Variants in VWA8 observed in about 807,000 individuals in gnomAD.
VWA8 encodes von Willebrand factor A domain containing 8.
Under a neutral mutation model 241.5 loss-of-function variants are expected in VWA8, and 221 were observed. That is an observed-to-expected ratio of 0.91 (90% CI 0.82 to 1.02). VWA8 has a LOEUF of 1.02. Ranked by LOEUF, VWA8 falls within the 50% of genes least tolerant of loss-of-function variation. VWA8 has a pLI of 0.00. For missense variants in VWA8, 2,322 were observed against 2,328.7 expected, an observed-to-expected ratio of 1.00 and a Z score of 0.06; for synonymous variants, 852 against 827.1, an observed-to-expected ratio of 1.03 and a Z score of -0.52.
At chr13:41,700,250 CTGTG>C (rs1374015998) in intron 28 of VWA8, among the ~76,000 whole-genome samples, 5 of 151,928 alleles carry the variant, frequency 3.3e-5, no homozygotes, top group Admixed American at 3.3e-4. Context: ...CTATGTGTGT[CTGTG>C]TGTGTATGCA....
chr13:41,838,794 G>T (rs887328481), intron 12 of VWA8, among the ~76,000 whole-genome samples: 2 of 152,146 alleles, frequency 1.3e-5, no homozygotes, highest in African/African-American at 4.8e-5. Flanking sequence ...ATGGTTTCCA[G>T]CTTCATCCAT....
At chr13:41,575,973 C>A in intron 42 of VWA8, 135 bp from the exon 43 acceptor site, 1 of 599,796 alleles carries the variant, frequency 1.7e-6, no homozygotes, top group Non-Finnish European at 2.9e-6. Flanking sequence ...TGCAGTGAGA[C>A]AGAAGTGTGT....
At chr13:41,781,051 A>T (rs1166223261) in intron 19 of VWA8, among the ~76,000 whole-genome samples, 1 of 152,166 alleles carries the variant, frequency 6.6e-6, no homozygotes, top group Non-Finnish European at 1.5e-5. Flanking sequence ...CTACCGCAAT[A>T]ACCACCTAAC....
At chr13:41,746,193 T>G (rs2045605344) in intron 21 of VWA8, among the ~76,000 whole-genome samples, 1 of 152,240 alleles carries the variant, frequency 6.6e-6, no homozygotes, top group Non-Finnish European at 1.5e-5. Flanking sequence ...TTTTTGGATT[T>G]TTAACGTTTT....
At chr13:41,675,124 C>A in intron 36 of VWA8, 91 bp downstream of exon 36, 3 of 834,766 alleles carry the variant, frequency 3.6e-6, no homozygotes, top group South Asian at 4.1e-5. Context: ...TTTAAAGAAG[C>A]AAAAAAGTAC....
At chr13:41,793,542 G>A (rs1268743711) in intron 17 of VWA8, among the ~76,000 whole-genome samples, 2 of 152,106 alleles carry the variant, frequency 1.3e-5, no homozygotes, top group African/African-American at 4.8e-5. Context: ...GGTCGGGCAC[G>A]GTGGCTCACA....
Position 41,568,103 on chromosome 13 carries a change from G to T in VWA8, c.*94C>A. ...GCCGGAATCATCCAGTCACTGCATGGGTTCACTTCATCCATATCTTCTTTT... is the reference window on the plus strand; with the variant it reads ...GCCGGAATCATCCAGTCACTGCATGTGTTCACTTCATCCATATCTTCTTTT... On this transcript the variant is annotated 3_prime_UTR_variant, in exon 45 of 45. Coordinates refer to ENST00000379310, the MANE Select transcript of VWA8 (RefSeq NM_015058.2). The T allele has an allele frequency of 9.6e-7, 1 of 1,038,060 alleles. No individual in the cohort carries two copies. Among genetic ancestry groups the T allele is most frequent in the Non-Finnish European group, 1.5e-6 (1 of 677,990 alleles). The allele number at this position is 1,038,060 out of a possible 1,614,324, so 64.3% of individuals were successfully genotyped here. A position where few individuals can be genotyped will look rare whatever the true frequency, so the allele number is the denominator to read the frequency against.
rs1868736965 is a variant in VWA8 at position 41,778,731 on chromosome 13, C to A, written c.2278-675G>T. On this transcript the variant is annotated intron_variant, in intron 19 of 44. Transcript: ENST00000379310. The stretch of plus-strand genomic sequence containing the variant: ...TCTCTTGGTTTTCTGTATCAAATAG[C>A]AGCTAAATAAGTACTAAAGTTATTG... 3.3e-5 allele frequency among the ~76,000 whole-genome samples: 5 copies of A among 151,418 alleles called. No individual in the cohort carries two copies. In the South Asian group the frequency reaches 6.2e-4, roughly 19 times the overall value.
At chr13:41,698,896 G>A (rs2045231465) in intron 29 of VWA8, among the ~76,000 whole-genome samples, 175 bp downstream of exon 29, 1 of 152,170 alleles carries the variant, frequency 6.6e-6, no homozygotes, top group South Asian at 2.1e-4. Flanking sequence ...AGTCTCTAGA[G>A]AAAAGAAGAT....
intron 24 of VWA8, among the ~76,000 whole-genome samples, chr13:41,722,516 CAT>C (rs1463018378): frequency 2.0e-5 from 3 of 152,024 alleles, no homozygotes; most frequent in Non-Finnish European, 4.4e-5. Flanking sequence ...AAATGAAAGC[CAT>C]GATATCTTCA....
chr13:41,574,711 A>G (rs2044340143), intron 43 of VWA8, among the ~76,000 whole-genome samples: 1 of 152,244 alleles, frequency 6.6e-6, no homozygotes, highest in South Asian at 2.1e-4. Context: ...TGGTACTGGT[A>G]TAAAAATAGG....
At position 41,758,369 on chromosome 13, in the gene VWA8, C is replaced by CATATATAT. The variant is rs374621428; in HGVS notation, c.2426+2751_2426+2758dup. On this transcript the variant is annotated intron_variant, in intron 21 of 44. Transcript: ENST00000379310. Reference sequence around the variant, plus strand: ...TTTTTCCCATTGCTATAGATACTAGCATATATATATATATATATATATACG... The same window carrying CATATATAT: ...TTTTTCCCATTGCTATAGATACTAGCATATATATATATATATATATATATATATATACG... 4.9e-3 allele frequency among the ~76,000 whole-genome samples: 359 copies of CATATATAT among 72,964 alleles called. 25 individuals carry two copies. The highest frequency in any genetic ancestry group is 0.019 in the African/African-American group (339 of 18,272). The allele number at this position is 72,964 out of a possible 152,430, so 47.9% of individuals were successfully genotyped here. A position where few individuals can be genotyped will look rare whatever the true frequency, so the allele number is the denominator to read the frequency against.
At chr13:41,809,477 A>C in intron 17 of VWA8, among the ~76,000 whole-genome samples, 1 of 152,190 alleles carries the variant, frequency 6.6e-6, no homozygotes, top group East Asian at 1.9e-4. Context: ...CATTCTTGAC[A>C]AATGTGTCAA....
At chr13:41,716,008 G>A (rs560934259) in intron 26 of VWA8, among the ~76,000 whole-genome samples, 91 of 151,870 alleles carry the variant, frequency 6.0e-4, no homozygotes, top group Middle Eastern at 3.4e-3. Flanking sequence ...ACTTTCTCCC[G>A]TATACTTCCT....
chr13:41,952,756 A>T (rs9532956), intron 1 of VWA8, among the ~76,000 whole-genome samples: 14,176 of 151,536 alleles, frequency 0.094, 757 homozygotes, highest in East Asian at 0.23. Context: ...TTTTTTTTTT[A>T]AAAAAAGTAA....
At chr13:41,733,103 A>C (rs1013587347) in intron 21 of VWA8, among the ~76,000 whole-genome samples, 9 of 152,216 alleles carry the variant, frequency 5.9e-5, no homozygotes, top group Non-Finnish European at 1.3e-4. Flanking sequence ...ACTATGTATA[A>C]GACACTACTG....
chr13:41,870,556 T>G (rs779960493), intron 9 of VWA8, among the ~76,000 whole-genome samples: 3 of 151,554 alleles, frequency 2.0e-5, no homozygotes, highest in East Asian at 1.9e-4. Context: ...GGAGAATCGC[T>G]TGAACCCAGG....
chr13:41,679,379 C>T (rs2045082075), intron 35 of VWA8, among the ~76,000 whole-genome samples: 1 of 151,794 alleles, frequency 6.6e-6, no homozygotes, highest in African/African-American at 2.4e-5. Context: ...ATTTGATGTA[C>T]ACCTATTAAT....
At chr13:41,764,417 C>G (rs1316051040) in intron 20 of VWA8, among the ~76,000 whole-genome samples, 1 of 152,024 alleles carries the variant, frequency 6.6e-6, no homozygotes, top group Non-Finnish European at 1.5e-5. Context: ...ACTAGTTGAG[C>G]TGGATATAAT....
Sources: gnomAD v4.1 joint callset for allele counts (sites outside exome capture counted in the v4.1 genomes callset) on GRCh38, gnomAD v4.1.1 for gene constraint, MANE v1.5 for transcripts, NCBI Gene and HGNC (gene_info 2026-07-23, HGNC 2026-07-21) for gene names.